Variants in PDK1 observed in about 807,000 individuals in gnomAD.
The protein encoded by PDK1 is pyruvate dehydrogenase kinase 1.
Under a neutral mutation model 54.2 loss-of-function variants are expected in PDK1, and 39 were observed. That is an observed-to-expected ratio of 0.72 (90% CI 0.56 to 0.94). The LOEUF is 0.94. PDK1 is among the 40% of genes least tolerant of loss of function. PDK1 has a pLI of 0.00. For synonymous variants in PDK1, 221 were observed against 207.1 expected, an observed-to-expected ratio of 1.07 and a Z score of -0.58; for missense variants, 552 against 566.0, an observed-to-expected ratio of 0.98 and a Z score of 0.25.
chr2:172,650,098 G>T, the PDK1 span, among the ~76,000 whole-genome samples: 1 of 152,124 alleles, frequency 6.6e-6, no homozygotes, highest in East Asian at 1.9e-4. Flanking sequence ...GAAAGGTCAG[G>T]TTACCCACAA....
the PDK1 span, among the ~76,000 whole-genome samples, chr2:172,648,919 G>A: frequency 2.6e-5 from 4 of 152,224 alleles, no homozygotes; most frequent in African/African-American, 7.2e-5. Context: ...GGGCATAGCT[G>A]AACAAAAGGC....
At chr2:172,565,331 TCTCA>T (rs1227234496) in intron 5 of PDK1, among the ~76,000 whole-genome samples, 9 of 152,112 alleles carry the variant, frequency 5.9e-5, no homozygotes, top group African/African-American at 2.2e-4. Flanking sequence ...TGAGACAGAG[TCTCA>T]CTCTGTTGCC....
chr2:172,643,198 G>A, the PDK1 span, among the ~76,000 whole-genome samples: 1 of 152,234 alleles, frequency 6.6e-6, no homozygotes, highest in South Asian at 2.1e-4. Context: ...CTCTCACATT[G>A]GTGTTATGGA....
the PDK1 span, among the ~76,000 whole-genome samples, chr2:172,626,330 A>G: frequency 2.6e-5 from 4 of 152,212 alleles, no homozygotes; most frequent in African/African-American, 4.8e-5. Context: ...GTGATTAAAA[A>G]AAAGGAATTT....
At chr2:172,702,549 G>A in the PDK1 span, among the ~76,000 whole-genome samples, 3 of 147,282 alleles carry the variant, frequency 2.0e-5, no homozygotes, top group East Asian at 2.0e-4. Flanking sequence ...CAATTGTCTC[G>A]CTTACCCCAT....
At chr2:172,628,764 C>T in the PDK1 span, among the ~76,000 whole-genome samples, 1 of 152,066 alleles carries the variant, frequency 6.6e-6, no homozygotes, top group Admixed American at 6.6e-5. Context: ...TAGTATACCT[C>T]CATCAGATTT....
chr2:172,625,943 C>G, the PDK1 span, among the ~76,000 whole-genome samples: 24 of 152,252 alleles, frequency 1.6e-4, no homozygotes, highest in African/African-American at 5.8e-4. Context: ...CACAAAGATC[C>G]TCCTCCCATG....
the PDK1 span, among the ~76,000 whole-genome samples, chr2:172,686,361 G>A: frequency 1.3e-5 from 2 of 151,972 alleles, no homozygotes; most frequent in East Asian, 3.9e-4. Flanking sequence ...TGCACCAATC[G>A]GCGCTTTGTA....
the PDK1 span, among the ~76,000 whole-genome samples, chr2:172,617,937 A>G: frequency 1.1e-3 from 169 of 152,352 alleles, no homozygotes; most frequent in South Asian, 7.7e-3. Context: ...GCAATAACCT[A>G]TTCCTTTACT....
rs1273799020 is a variant in PDK1, at chr2:172,607,189, T to TGA, written c.*11222_*11223dup. 4 of 151,854 alleles carry TGA rather than the reference T, an allele frequency of 2.6e-5. No individual in the cohort carries two copies. The highest frequency in any genetic ancestry group is 5.9e-5 in the Non-Finnish European group (4 of 67,724). 9.4% of individuals were successfully genotyped at this position (151,854 alleles called of 1,614,324 possible). ...CTATAATCCCAACTACTCCAGAGGC[T>TGA]GAGGTGTGATAGAATTTCTTGAACC... is the stretch of plus-strand genomic sequence containing the variant. On this transcript the variant is annotated 3_prime_UTR_variant, in exon 11 of 11. Transcript: ENST00000282077.
In PDK1 at chr2:172,598,934, A is replaced by G. The variant is rs1691016421; in HGVS notation, c.*2965A>G. The G allele has an allele frequency of 6.6e-6, 1 of 152,172 alleles. No individual in the cohort carries two copies. Among genetic ancestry groups the G allele is most frequent in the Admixed American group, 6.5e-5 (1 of 15,270 alleles). The allele number at this position is 152,172 out of a possible 1,614,324, so 9.4% of individuals were successfully genotyped here. On this transcript the variant is annotated 3_prime_UTR_variant, in exon 11 of 11. Coordinates refer to ENST00000282077, the MANE Select transcript of PDK1 (RefSeq NM_002610.5). ...TAGGGGGCTTGCACTAAATTTCACT[A>G]TCTTCAGTAGAGAGGAACTGTTTGG...
the PDK1 span, among the ~76,000 whole-genome samples, chr2:172,642,088 T>G: frequency 6.6e-6 from 1 of 152,202 alleles, no homozygotes; most frequent in Non-Finnish European, 1.5e-5. Flanking sequence ...AAAGTCAGTA[T>G]TTTTGGAGAT....
At chr2:172,711,708 A>T in the PDK1 span, among the ~76,000 whole-genome samples, 1 of 151,936 alleles carries the variant, frequency 6.6e-6, no homozygotes, top group Non-Finnish European at 1.5e-5. Context: ...CTACATAAAA[A>T]TTAAAAAATT....
the PDK1 span, among the ~76,000 whole-genome samples, chr2:172,650,656 C>CAA: frequency 1.3e-5 from 2 of 149,136 alleles, no homozygotes; most frequent in African/African-American, 4.9e-5. Flanking sequence ...AAATGGAAAA[C>CAA]AAAAAAAAAG....
At chr2:172,710,877 A>G in the PDK1 span, among the ~76,000 whole-genome samples, 4 of 152,254 alleles carry the variant, frequency 2.6e-5, no homozygotes, top group African/African-American at 9.6e-5. Context: ...CACATTGTGG[A>G]GAAGGCTCTC....
the PDK1 span, among the ~76,000 whole-genome samples, chr2:172,650,924 A>G: frequency 6.6e-6 from 1 of 152,210 alleles, no homozygotes; most frequent in South Asian, 2.1e-4. Context: ...CAGATCAATG[A>G]GACAGAAAGT....
the PDK1 span, chr2:172,724,308 A>C: frequency 1.3e-5 from 2 of 152,098 alleles, no homozygotes; most frequent in Non-Finnish European, 2.9e-5. Flanking sequence ...CATTTCAAAC[A>C]GTTATATTTC....
rs1368551883 is a variant in PDK1, at chr2:172,562,155, A to G, written c.339-65A>G. On this transcript the variant is annotated intron_variant, in intron 2 of 10. Transcript: ENST00000282077. The stretch of plus-strand genomic sequence containing the variant: ...AATGCTAAAAATAGCTTTTGAGCTA[A>G]TTTTCATGATATTGAACTTTCAGAA... 6 of 841,682 alleles carry G rather than the reference A, an allele frequency of 7.1e-6. No individual in the cohort carries two copies. In the East Asian group the frequency reaches 1.5e-4, roughly 21 times the overall value. 52.1% of individuals were successfully genotyped at this position (841,682 alleles called of 1,614,324 possible). A position where few individuals can be genotyped will look rare whatever the true frequency, so the allele number is the denominator to read the frequency against.
At chr2:172,699,760 AT>A in the PDK1 span, among the ~76,000 whole-genome samples, 790 of 122,288 alleles carry the variant, frequency 6.5e-3, 12 homozygotes, top group Admixed American at 0.028. Flanking sequence ...TTTTATTATT[AT>A]TTTTTTTTTA....
Sources: allele counts gnomAD v4.1 joint callset (sites outside exome capture counted in the v4.1 genomes callset), GRCh38; gene constraint gnomAD v4.1.1; transcripts MANE v1.5; gene names NCBI Gene and HGNC (gene_info 2026-07-23, HGNC 2026-07-21).